Variants in SFI1 observed in about 807,000 individuals in gnomAD.
The protein encoded by SFI1 is protein SFI1 homolog.
Under a neutral mutation model 207.5 loss-of-function variants are expected in SFI1, and 195 were observed. The ratio of observed to expected loss-of-function variants is 0.94; its 90% CI spans 0.84 to 1.06. SFI1 has a LOEUF of 1.06. SFI1 is among the 50% of genes least tolerant of loss of function. The pLI is 0.00. For missense variants in SFI1, 1,634 were observed against 1,588.0 expected, an observed-to-expected ratio of 1.03 and a Z score of -0.49; for synonymous variants, 630 against 598.9, an observed-to-expected ratio of 1.05 and a Z score of -0.76.
rs201038787 is a variant in SFI1, at chr22:31,580,297, A to G, written c.1181A>G (p.Asp394Gly). Residue 394 changes from aspartate to glycine, a missense_variant, in exon 12 of 33, where the codon GAC (aspartate) becomes GGC (glycine). By Grantham distance (94) the Asp-to-Gly change is moderately conservative (BLOSUM62 -1). Transcript: ENST00000400288. Reference sequence around the variant, plus strand: ...TATTTTTGCTTTAGAGCCCTAAAAGACAATGTGACCCACGCTCATCTCCAG... The same window carrying G: ...TATTTTTGCTTTAGAGCCCTAAAAGGCAATGTGACCCACGCTCATCTCCAG... Reference protein sequence around the residue: ...QLYFCFRALKDNVTHAHLQQI... With the variant: ...QLYFCFRALKGNVTHAHLQQI... The G allele has an allele frequency of 1.1e-5, 17 of 1,614,054 alleles. No homozygotes were observed. The highest frequency in any genetic ancestry group is 1.4e-5 in the Non-Finnish European group (17 of 1,179,940).
chr22:31,572,081 C>T (rs535692361), intron 8 of SFI1, among the ~76,000 whole-genome samples: 7 of 152,152 alleles, frequency 4.6e-5, no homozygotes, highest in Admixed American at 3.3e-4. Context: ...GGAGCATGGG[C>T]GGTTCATCCA....
At chr22:31,503,213 A>G (rs1308297404) in intron 1 of SFI1, among the ~76,000 whole-genome samples, 1 of 151,838 alleles carries the variant, frequency 6.6e-6, no homozygotes, top group African/African-American at 2.4e-5. Flanking sequence ...GAATCTGGAG[A>G]TGTGTTAGTT....
At chr22:31,550,179 A>T in intron 5 of SFI1, 75 bp from the exon 6 acceptor site, 2 of 1,117,542 alleles carry the variant, frequency 1.8e-6, no homozygotes, top group Non-Finnish European at 2.7e-6. Flanking sequence ...CCAAAGTGCT[A>T]GGGTTACAGG....
At chr22:31,526,330 G>T (rs1439283908) in intron 2 of SFI1, among the ~76,000 whole-genome samples, 1 of 152,112 alleles carries the variant, frequency 6.6e-6, no homozygotes, top group African/African-American at 2.4e-5. Flanking sequence ...AAGCAAACAC[G>T]TCCTTTTTCA....
chr22:31,544,887 T>C (rs1889159629), intron 4 of SFI1, among the ~76,000 whole-genome samples: 1 of 152,188 alleles, frequency 6.6e-6, no homozygotes, highest in Admixed American at 6.5e-5. Flanking sequence ...ATATCTATTT[T>C]CCCTCTTTTT....
At chr22:31,563,649 G>A (rs754676051) in intron 8 of SFI1, among the ~76,000 whole-genome samples, 8 of 151,930 alleles carry the variant, frequency 5.3e-5, no homozygotes, top group Admixed American at 3.3e-4. Flanking sequence ...GCAGTGGCAC[G>A]ATCTTGGCTC....
chr22:31,573,196 G>A lies in SFI1; in HGVS notation c.904G>A (p.Val302Met), dbSNP rs114336218. 1,577 of 1,614,034 alleles carry A rather than the reference G, an allele frequency of 9.8e-4. 16 individuals are homozygous for A. In the African/African-American group the frequency reaches 0.019, roughly 20 times the overall value. ...AWLEYLQVRR[V>M]KRQQNEMAER... is the part of the protein sequence containing the mutation. ...GCTTGAATACCTGCAAGTCCGCAGA[G>A]TGAAGAGACAGCAGAATGGTGAGTA... Residue 302 changes from valine to methionine, a missense_variant, in exon 9 of 33, where the codon GTG becomes ATG. Physicochemically the swap from Val to Met is conservative, Grantham distance 21. Transcript: ENST00000400288.
rs1237740287 is a variant in SFI1 at position 31,615,113 on chromosome 22, C to T, written c.3134C>T (p.Pro1045Leu). ...AQPAAPSLTR[P>L]FLAEAPTALV... ...CCAGCAGCCCCCTCCCTGACGCGGCCCTTCCTGGCAGAGGCCCCGACAGCA... is the reference window on the plus strand; with the variant it reads ...CCAGCAGCCCCCTCCCTGACGCGGCTCTTCCTGGCAGAGGCCCCGACAGCA... The change falls in exon 29 of 33, where the codon CCC (proline) becomes CTC (leucine). Residue 1045 changes from proline (P) to leucine (L), a missense_variant. Transcript: ENST00000400288. The T allele has an allele frequency of 6.2e-7, 1 of 1,607,244 alleles. No homozygotes were observed. Among genetic ancestry groups the T allele is most frequent in the Non-Finnish European group, 8.5e-7 (1 of 1,177,098 alleles).
chr22:31,567,475 C>CT (rs1343600006), intron 8 of SFI1, among the ~76,000 whole-genome samples: 1 of 151,802 alleles, frequency 6.6e-6, no homozygotes, highest in African/African-American at 2.4e-5. Flanking sequence ...ATGATTATAC[C>CT]TACCTCTTAA....
intron 6 of SFI1, among the ~76,000 whole-genome samples, chr22:31,555,121 A>G (rs1365843424): frequency 7.2e-6 from 1 of 139,822 alleles, no homozygotes; most frequent in Non-Finnish European, 1.5e-5. Flanking sequence ...TACTTGAAGA[A>G]TGTACATTCT....
chr22:31,615,392 C>A, intron 29 of SFI1, 113 bp downstream of exon 29: 1 of 991,082 alleles, frequency 1.0e-6, no homozygotes, highest in Non-Finnish European at 1.4e-6. Context: ...CACAGGGAGG[C>A]CACTCATCCA....
Position 31,612,378 on chromosome 22 carries a change from T to TGAAAA in SFI1, c.2490+538_2490+539insGAAAA, listed in dbSNP as rs1220311850. 1.1e-3 allele frequency: 69 copies of TGAAAA among 62,252 alleles called. 7 individuals carry two copies. The highest frequency in any genetic ancestry group is 6.1e-3 in the African/African-American group (66 of 10,822). The allele number at this position is 62,252 out of a possible 1,614,324, so 3.9% of individuals were successfully genotyped here. On this transcript the variant is annotated intron_variant, in intron 24 of 32. Transcript: ENST00000400288. ...CCGGGCAACAGAGCGAGACTCTGTC[T>TGAAAA]AAAAAAAAAAAAAAAAAAAAATATA...
At chr22:31,617,291 G>C (rs994556882) in intron 31 of SFI1, among the ~76,000 whole-genome samples, 10 of 152,090 alleles carry the variant, frequency 6.6e-5, no homozygotes, top group African/African-American at 2.4e-4. Context: ...TGCTGCTTAG[G>C]AAGGCCCAAG....
At chr22:31,576,221 C>G (rs186666196) in intron 10 of SFI1, among the ~76,000 whole-genome samples, 1 of 151,930 alleles carries the variant, frequency 6.6e-6, no homozygotes, top group Non-Finnish European at 1.5e-5. Context: ...GACGGGGTTT[C>G]GCCATGTTGG....
intron 2 of SFI1, among the ~76,000 whole-genome samples, chr22:31,527,333 T>C (rs1208743066): frequency 6.6e-6 from 1 of 152,232 alleles, no homozygotes; most frequent in African/African-American, 2.4e-5. Flanking sequence ...TTTAAACATA[T>C]TCATTTTAGC....
intron 15 of SFI1, among the ~76,000 whole-genome samples, chr22:31,598,054 T>C (rs1303732772): frequency 6.6e-6 from 1 of 151,742 alleles, no homozygotes; most frequent in East Asian, 1.9e-4. Flanking sequence ...CTTGGCTCAC[T>C]GCAAGCTCCA....
Position 31,502,282 on chromosome 22 carries a change from G to A in SFI1, c.-31+5645G>A, listed in dbSNP as rs147283225. Reference sequence around the variant, plus strand: ...AATTGGTCTCCTTATACATCATTTTGCTTAAAGTTGCCGTTTCCAAGAACC... The same window carrying A: ...AATTGGTCTCCTTATACATCATTTTACTTAAAGTTGCCGTTTCCAAGAACC... On this transcript the variant is annotated intron_variant, in intron 1 of 32. Transcript: ENST00000400288. Among the ~76,000 whole-genome samples, 805 of 152,082 alleles carry A rather than the reference G, an allele frequency of 5.3e-3. 11 individuals carry two copies. The highest frequency in any genetic ancestry group is 0.019 in the African/African-American group (777 of 41,460).
chr22:31,588,816 A>T (rs1450466572), intron 14 of SFI1, among the ~76,000 whole-genome samples: 1 of 151,902 alleles, frequency 6.6e-6, no homozygotes, highest in East Asian at 1.9e-4. Context: ...TGTCTCAAAA[A>T]AAAAAAAACA....
chr22:31,611,696 G>A, intron 23 of SFI1, 70 bp from the exon 24 acceptor site: 6 of 1,492,496 alleles, frequency 4.0e-6, no homozygotes, highest in Non-Finnish European at 5.5e-6. Context: ...GGCTGGGTTA[G>A]ATCAGGACCC....
Sources: allele counts gnomAD v4.1 joint callset (sites outside exome capture counted in the v4.1 genomes callset), GRCh38; gene constraint gnomAD v4.1.1; transcripts MANE v1.5; gene names NCBI Gene and HGNC (gene_info 2026-07-23, HGNC 2026-07-21).